KCNG3: variants seen among roughly 807,000 people sequenced by gnomAD.
KCNG3 encodes voltage-gated potassium channel regulatory subunit KCNG3.
A neutral mutation model predicts 29.0 loss-of-function variants in KCNG3; 15 were observed. The ratio of observed to expected loss-of-function variants is 0.52; its 90% CI spans 0.35 to 0.80. The LOEUF (loss-of-function observed/expected upper bound fraction) is 0.80, where lower values mean the gene tolerates loss of function less well. Among genes scored for constraint, KCNG3 ranks in the 30% least tolerant of loss-of-function variants. The pLI, the probability that KCNG3 is intolerant of heterozygous loss-of-function variation, is 0.01. For synonymous variants in KCNG3, 322 were observed against 248.9 expected (o/e 1.29, Z -2.76); for missense variants, 512 against 605.7 (o/e 0.85, Z 1.62).
At chr2:42,447,681 AT>A (rs1280173854) in intron 1 of KCNG3, among the ~76,000 whole-genome samples, 5 of 151,502 alleles carry the variant, frequency 3.3e-5, no homozygotes, top group Non-Finnish European at 4.4e-5. Flanking sequence ...CACTTGGTTA[AT>A]TTTTTTTCTT....
the KCNG3 span, among the ~76,000 whole-genome samples, chr2:42,435,986 G>A: frequency 2.0e-5 from 3 of 152,270 alleles, no homozygotes; most frequent in African/African-American, 7.2e-5. Flanking sequence ...AGAAACAAGT[G>A]TCCATCAACT....
the KCNG3 span, among the ~76,000 whole-genome samples, chr2:42,415,244 C>G: frequency 6.6e-6 from 1 of 152,294 alleles, no homozygotes; most frequent in Admixed American, 6.5e-5. Flanking sequence ...AGATCATGCA[C>G]TACCTTATAG....
chr2:42,472,835 T>C (rs1159305187), intron 1 of KCNG3, among the ~76,000 whole-genome samples: 1 of 148,158 alleles, frequency 6.7e-6, no homozygotes, highest in African/African-American at 2.5e-5. Context: ...TATCTATATA[T>C]AGATATCTAT....
In KCNG3 at chr2:42,448,344, C is replaced by CTTATTTATTTAT. The variant is rs5830729; in HGVS notation, c.666-3777_666-3766dup. Among the ~76,000 whole-genome samples the CTTATTTATTTAT allele has an allele frequency of 1.7e-3, 248 of 145,756 alleles. 2 individuals are homozygous for CTTATTTATTTAT. Among genetic ancestry groups the CTTATTTATTTAT allele is most frequent in the East Asian group, 0.011 (54 of 4,946 alleles). On this transcript the variant is annotated intron_variant, in intron 1 of 1. Transcript: ENST00000306078. Reference sequence around the variant, plus strand: ...GGGTCTAAATCCTGCCCACTTCCCACTTATTTATTTATTTATTTATTTATT... The same window carrying CTTATTTATTTAT: ...GGGTCTAAATCCTGCCCACTTCCCACTTATTTATTTATTTATTTATTTATTTATTTATTTATT...
chr2:42,453,135 T>C (rs1380688640), intron 1 of KCNG3, among the ~76,000 whole-genome samples: 3 of 152,210 alleles, frequency 2.0e-5, no homozygotes, highest in Non-Finnish European at 2.9e-5. Context: ...CTAACATGAA[T>C]AGTGCTGTAA....
the KCNG3 span, among the ~76,000 whole-genome samples, chr2:42,398,144 T>A: frequency 6.6e-5 from 10 of 151,668 alleles, no homozygotes; most frequent in East Asian, 1.8e-3. Flanking sequence ...AATGGCGTGA[T>A]CCCAGGAGGC....
At chr2:42,471,514 C>T (rs1673287798) in intron 1 of KCNG3, among the ~76,000 whole-genome samples, 1 of 151,994 alleles carries the variant, frequency 6.6e-6, no homozygotes, top group African/African-American at 2.4e-5. Context: ...GGTGTGACTA[C>T]CTAACAAGTA....
intron 1 of KCNG3, 43 bp downstream of exon 1, chr2:42,492,794 G>A (rs772073236): frequency 7.1e-7 from 1 of 1,406,306 alleles, no homozygotes; most frequent in Non-Finnish European, 9.3e-7. Flanking sequence ...ACGGACAGAC[G>A]CGACAGGACG....
At chr2:42,468,953 CCA>C (rs1491575224) in intron 1 of KCNG3, among the ~76,000 whole-genome samples, 5 of 40,596 alleles carry the variant, frequency 1.2e-4, no homozygotes, top group East Asian at 7.3e-4. Flanking sequence ...GACTCCGTCT[CCA>C]AAAAAAAAAA....
Position 42,444,023 on chromosome 2 carries a change from T to A in KCNG3, c.1222A>T (p.Ile408Phe). 6 of 1,614,176 alleles carry A rather than the reference T, an allele frequency of 3.7e-6. No homozygotes were observed. Among genetic ancestry groups the A allele is most frequent in the Non-Finnish European group, 5.1e-6 (6 of 1,180,014 alleles). Residue 408 changes from isoleucine (I) to phenylalanine (F), a missense_variant, in exon 2 of 2, where the codon ATC (isoleucine) becomes TTC (phenylalanine). Ile to Phe is a conservative substitution (Grantham distance 21). Coordinates refer to ENST00000306078, the MANE Select transcript of KCNG3 (RefSeq NM_133329.6). The surrounding 1 kb of genome is among the most constrained non-coding windows in gnomAD (Gnocchi z 5.8). ...IVLLALPITF[I>F]YHSFVQCYHE... is the part of the protein sequence containing the mutation. Reference sequence around the variant, plus strand: ...TAACACTGCACAAAGCTATGGTAGATAAAAGTGATAGGTAATGCCAATAGA... The same window carrying A: ...TAACACTGCACAAAGCTATGGTAGAAAAAAGTGATAGGTAATGCCAATAGA...
chr2:42,404,846 GGTT>G, the KCNG3 span, among the ~76,000 whole-genome samples: 1 of 152,172 alleles, frequency 6.6e-6, no homozygotes, highest in South Asian at 2.1e-4. Context: ...ACAAAGCCAT[GGTT>G]AAAACCACCA....
At chr2:42,419,552 C>T in the KCNG3 span, among the ~76,000 whole-genome samples, 1 of 151,922 alleles carries the variant, frequency 6.6e-6, no homozygotes, top group African/African-American at 2.4e-5. Context: ...CACGCCCAGC[C>T]CTCAGATGGT....
chr2:42,437,435 T>TA (rs1672395185), downstream of KCNG3, among the ~76,000 whole-genome samples: 1 of 152,202 alleles, frequency 6.6e-6, no homozygotes, highest in Non-Finnish European at 1.5e-5. Context: ...GGTAAGAGAT[T>TA]AAGCAGTTTA....
downstream of KCNG3, among the ~76,000 whole-genome samples, chr2:42,439,979 C>T (rs945058859): frequency 2.0e-5 from 3 of 152,042 alleles, no homozygotes; most frequent in Non-Finnish European, 4.4e-5. Flanking sequence ...TCATGGCTTC[C>T]GAAGTTACAA....
At position 42,443,694 on chromosome 2, in the gene KCNG3, G is replaced by A. The variant is rs1558372229; in HGVS notation, c.*240C>T. On this transcript the variant is annotated 3_prime_UTR_variant, in exon 2 of 2. Coordinates refer to ENST00000306078, the MANE Select transcript of KCNG3 (RefSeq NM_133329.6). ...ATCATTCAAGGAAACGGGAAAACAA[G>A]TCTAAATAAAACCGGGTCCTAAAGT... 1 of 383,654 alleles carries A rather than the reference G, an allele frequency of 2.6e-6. No individual in the cohort carries two copies. The highest frequency in any genetic ancestry group is 3.8e-5 in the East Asian group (1 of 26,238). The allele number at this position is 383,654 out of a possible 1,614,324, so 23.8% of individuals were successfully genotyped here. A position where few individuals can be genotyped will look rare whatever the true frequency, so the allele number is the denominator to read the frequency against.
At chr2:42,441,793 G>GGT (rs1491104495), downstream of KCNG3, among the ~76,000 whole-genome samples, 2 of 18,352 alleles carry the variant, frequency 1.1e-4, no homozygotes, top group East Asian at 1.9e-3. Flanking sequence ...TATATATATA[G>GGT]GTGTGTGTGT....
chr2:42,408,678 C>G, the KCNG3 span, among the ~76,000 whole-genome samples: 228 of 152,302 alleles, frequency 1.5e-3, no homozygotes, highest in African/African-American at 5.3e-3. Flanking sequence ...TGCTCACCCT[C>G]CTGCTCACCC....
chr2:42,459,199 C>CAA (rs557483168), intron 1 of KCNG3, among the ~76,000 whole-genome samples: 8,148 of 129,528 alleles, frequency 0.063, 340 homozygotes, highest in South Asian at 0.097. Context: ...TCCATCGTCT[C>CAA]AAAAAAAAAA....
chr2:42,479,893 C>T (rs1176208529), intron 1 of KCNG3, among the ~76,000 whole-genome samples: 1 of 152,032 alleles, frequency 6.6e-6, no homozygotes. Context: ...ATGTCTGTAA[C>T]CCCACCTACT....
Sources: allele counts gnomAD v4.1 joint callset (sites outside exome capture counted in the v4.1 genomes callset), GRCh38; gene constraint gnomAD v4.1.1; non-coding constraint Gnocchi (gnomAD v3.1); transcripts MANE v1.5; gene names NCBI Gene and HGNC (gene_info 2026-07-23, HGNC 2026-07-21).